Variants in RELN observed in about 807,000 individuals in gnomAD.
RELN encodes the protein reelin.
Under a neutral mutation model 427.6 loss-of-function variants are expected in RELN, and 108 were observed. The observed-to-expected ratio is 0.25, with a 90% CI of 0.22 to 0.30. The LOEUF (loss-of-function observed/expected upper bound fraction) is 0.30. RELN is among the 10% of genes least tolerant of loss of function. The pLI, the probability that RELN is intolerant of heterozygous loss-of-function variation, is 1.00. For synonymous variants in RELN, 1,524 were observed against 1,513.4 expected (o/e 1.01, Z -0.16); for missense variants, 3,715 against 4,302.8 (o/e 0.86, Z 3.82).
chr7:103,580,962 G>C (rs151265594), intron 28 of RELN, among the ~76,000 whole-genome samples: 2,990 of 152,296 alleles, frequency 0.02, 40 homozygotes, highest in Middle Eastern at 0.034. Flanking sequence ...GTTTTGGAAA[G>C]TATGGAGGGA....
intron 3 of RELN, among the ~76,000 whole-genome samples, chr7:103,823,031 A>C (rs2116376681): frequency 6.6e-6 from 1 of 152,212 alleles, no homozygotes; most frequent in Non-Finnish European, 1.5e-5. Flanking sequence ...CCTGAAAAAC[A>C]GGTTTCAATT....
At chr7:103,828,317 C>T (rs919702880) in intron 3 of RELN, among the ~76,000 whole-genome samples, 2 of 151,874 alleles carry the variant, frequency 1.3e-5, no homozygotes, top group Non-Finnish European at 2.9e-5. Flanking sequence ...TTTGCCTTCT[C>T]GTTTAGTGTA....
rs1049303598 is a variant in RELN, at chr7:103,988,909, C to G, written c.226+222G>C. ...GTTTAGCACAAGCACCAGCTCATTA[C>G]CAGGAGATGCGTTCGGGGAGTGGGG... On this transcript the variant is annotated intron_variant, in intron 1 of 64. Transcript: ENST00000428762. This position sits in a 1 kb window ranked among gnomAD's most constrained non-coding sequence, Gnocchi z 4.9. 6.6e-6 allele frequency among the ~76,000 whole-genome samples: 1 copy of G among 152,194 alleles called. No individual in the cohort carries two copies. Among genetic ancestry groups the G allele is most frequent in the Non-Finnish European group, 1.5e-5 (1 of 68,034 alleles).
chr7:103,554,094 G>A (rs1354590249), intron 38 of RELN, among the ~76,000 whole-genome samples: 1 of 152,020 alleles, frequency 6.6e-6, no homozygotes, highest in Admixed American at 6.6e-5. Flanking sequence ...GGCTGAGGTG[G>A]GAGGACTGCT....
At chr7:103,709,830 T>C (rs1789749317) in intron 8 of RELN, among the ~76,000 whole-genome samples, 1 of 152,214 alleles carries the variant, frequency 6.6e-6, no homozygotes, top group Non-Finnish European at 1.5e-5. Context: ...GCATTAATGA[T>C]TATTTCTTAT....
At chr7:103,792,711 C>CT (rs1192690805) in intron 3 of RELN, among the ~76,000 whole-genome samples, 1 of 151,778 alleles carries the variant, frequency 6.6e-6, no homozygotes, top group Non-Finnish European at 1.5e-5. Flanking sequence ...AATTGTGAAA[C>CT]TTTTTAGTAT....
chr7:103,872,113 G>T (rs1794358441), intron 2 of RELN, among the ~76,000 whole-genome samples: 1 of 135,226 alleles, frequency 7.4e-6, no homozygotes, highest in African/African-American at 2.7e-5. Flanking sequence ...TGCACATTGT[G>T]CAGGTTAGTT....
intron 1 of RELN, among the ~76,000 whole-genome samples, chr7:103,942,501 G>A (rs974907241): frequency 2.0e-5 from 3 of 152,116 alleles, no homozygotes; most frequent in Non-Finnish European, 2.9e-5. Flanking sequence ...ATCACTTAGG[G>A]GACTTGTTAG....
At chr7:103,475,452 TCTATAA>T (rs1828002726) in intron 64 of RELN, among the ~76,000 whole-genome samples, 2 of 152,194 alleles carry the variant, frequency 1.3e-5, no homozygotes, top group Admixed American at 1.3e-4. Flanking sequence ...AAATCATTAC[TCTATAA>T]CTATAAGGAA....
intron 3 of RELN, among the ~76,000 whole-genome samples, chr7:103,790,309 T>C (rs567270969): frequency 1.3e-5 from 2 of 152,302 alleles, no homozygotes; most frequent in East Asian, 3.9e-4. Flanking sequence ...GTTCTGCACA[T>C]GTATTCCAGA....
At chr7:103,867,973 C>T (rs1248087182) in intron 2 of RELN, among the ~76,000 whole-genome samples, 2 of 152,010 alleles carry the variant, frequency 1.3e-5, no homozygotes, top group Non-Finnish European at 2.9e-5. Context: ...CTTTTTTCCT[C>T]CTGGCACCAA....
At chr7:103,778,859 A>G (rs79608765) in intron 3 of RELN, among the ~76,000 whole-genome samples, 1 of 152,242 alleles carries the variant, frequency 6.6e-6, no homozygotes, top group Non-Finnish European at 1.5e-5. Context: ...AATGAATAAT[A>G]GAGAGGAGCC....
chr7:103,920,585 T>TG (rs1795594411), intron 1 of RELN, among the ~76,000 whole-genome samples: 2 of 58,782 alleles, frequency 3.4e-5, no homozygotes, highest in East Asian at 1.8e-3. Flanking sequence ...TTTTGTTTTT[T>TG]TTTTTTTTGA....
intron 44 of RELN, 108 bp downstream of exon 44, chr7:103,540,089 C>T: frequency 7.9e-7 from 1 of 1,259,710 alleles, no homozygotes; most frequent in Non-Finnish European, 1.2e-6. Context: ...ACTCAACTGT[C>T]AGTTCTGGGT....
At chr7:103,604,847 T>TTTGG (rs398040129) in intron 22 of RELN, among the ~76,000 whole-genome samples, 1 of 151,236 alleles carries the variant, frequency 6.6e-6, no homozygotes, top group South Asian at 2.1e-4. Flanking sequence ...TTTTTTTTTT[T>TTTGG]GAGACAGAGT....
At chr7:103,708,481 T>TTTTTTTTTTTTA (rs1203595442) in intron 8 of RELN, among the ~76,000 whole-genome samples, 1 of 148,620 alleles carries the variant, frequency 6.7e-6, no homozygotes. Flanking sequence ...TTTTTTTTTT[T>TTTTTTTTTTTTA]GAGACGGAGT....
chr7:103,763,265 C>T (rs999521284), intron 4 of RELN, among the ~76,000 whole-genome samples: 1 of 152,098 alleles, frequency 6.6e-6, no homozygotes, highest in Non-Finnish European at 1.5e-5. Flanking sequence ...GACTGGCTGG[C>T]AATTAAAGAA....
chr7:103,644,521 A>G (rs1292358940), intron 16 of RELN, among the ~76,000 whole-genome samples: 1 of 151,306 alleles, frequency 6.6e-6, no homozygotes, highest in Non-Finnish European at 1.5e-5. Flanking sequence ...TAGACCAAGC[A>G]GAAGAAATAA....
chr7:103,636,407 T>A lies in RELN; in HGVS notation c.2131A>T (p.Ile711Phe). 2 of 1,613,980 alleles carry A rather than the reference T, an allele frequency of 1.2e-6. No homozygotes were observed. Among genetic ancestry groups the A allele is most frequent in the East Asian group, 4.5e-5 (2 of 44,832 alleles). The change falls in exon 18 of 65, where the codon ATT (isoleucine) becomes TTT (phenylalanine). Residue 711 changes from isoleucine to phenylalanine, a missense_variant. By Grantham distance (21) the Ile-to-Phe change is conservative. This residue lies in a region of RELN where 2,208 missense variants were observed against 2,361.7 expected (regional missense o/e 0.93). Transcript: ENST00000428762. The stretch of plus-strand genomic sequence containing the variant: ...CTGGAACTGCCAAAGCTTTCAGAAA[T>A]AAACATTGGGAATGTCTGGGATGCC... The part of the protein sequence containing the change: ...EMASQTFPMF[I>F]SESFGSSRLS...
Sources: gnomAD v4.1 joint callset for allele counts (sites outside exome capture counted in the v4.1 genomes callset) on GRCh38, gnomAD v4.1.1 for gene constraint, gnomAD v4.1.1 regional missense constraint, Gnocchi (gnomAD v3.1) non-coding constraint, MANE v1.5 for transcripts, NCBI Gene and HGNC (gene_info 2026-07-23, HGNC 2026-07-21) for gene names.